CUEDC1: variants seen among roughly 807,000 people sequenced by gnomAD.
The protein encoded by CUEDC1 is CUE domain containing 1.
CUEDC1 carries 30 observed loss-of-function variants against 43.7 expected under a neutral mutation model. That is an observed-to-expected ratio of 0.69 (90% CI 0.51 to 0.93). The LOEUF (loss-of-function observed/expected upper bound fraction) is 0.93. Among genes scored for constraint, CUEDC1 ranks in the 40% least tolerant of loss-of-function variants. CUEDC1 has a pLI of 0.00. For synonymous variants in CUEDC1, 223 were observed against 223.6 expected, an observed-to-expected ratio of 1.00 and a Z score of 0.02; for missense variants, 486 against 549.0, an observed-to-expected ratio of 0.89 and a Z score of 1.15.
intron 1 of CUEDC1, among the ~76,000 whole-genome samples, chr17:57,889,780 G>A (rs1227276881): frequency 6.6e-6 from 1 of 152,202 alleles, no homozygotes; most frequent in African/African-American, 2.4e-5. Context: ...TAAGGTCTCA[G>A]AGACTCCCAG....
At chr17:57,951,460 G>C (rs1037610451) in intron 1 of CUEDC1, among the ~76,000 whole-genome samples, 4 of 151,722 alleles carry the variant, frequency 2.6e-5, no homozygotes, top group African/African-American at 9.7e-5. Flanking sequence ...CAGTGGAGTT[G>C]GAACTTTTTT....
intron 1 of CUEDC1, among the ~76,000 whole-genome samples, chr17:57,927,648 G>T (rs1430991381): frequency 6.6e-6 from 1 of 152,208 alleles, no homozygotes. Flanking sequence ...TTTCCAAGAG[G>T]TATGTCAGGG....
chr17:57,878,227 G>A (rs572343008), intron 3 of CUEDC1, among the ~76,000 whole-genome samples: 434 of 152,284 alleles, frequency 2.8e-3, no homozygotes, highest in Middle Eastern at 6.8e-3. Flanking sequence ...ACCTGGATTC[G>A]AACTCCAGCT....
intron 1 of CUEDC1, among the ~76,000 whole-genome samples, chr17:57,918,310 C>T (rs1374130505): frequency 1.3e-5 from 2 of 152,174 alleles, no homozygotes; most frequent in East Asian, 1.9e-4. Flanking sequence ...ACTGATCAGC[C>T]GGGAACCCTC....
intron 1 of CUEDC1, among the ~76,000 whole-genome samples, chr17:57,943,999 C>T (rs1433667248): frequency 6.6e-6 from 1 of 152,012 alleles, no homozygotes; most frequent in East Asian, 1.9e-4. Flanking sequence ...TCAGATCCTG[C>T]CTCCTCAGCT....
intron 1 of CUEDC1, among the ~76,000 whole-genome samples, chr17:57,953,689 C>A (rs1318577521): frequency 6.6e-6 from 1 of 152,220 alleles, no homozygotes. Flanking sequence ...ATGACTCCAA[C>A]CTCTGGCCCT....
At chr17:57,874,318 C>A (rs148785859) in intron 3 of CUEDC1, among the ~76,000 whole-genome samples, 1 of 152,354 alleles carries the variant, frequency 6.6e-6, no homozygotes, top group Non-Finnish European at 1.5e-5. Context: ...TATCTAGAAA[C>A]TGCTGCCTCC....
At position 57,869,240 on chromosome 17, in the gene CUEDC1, G is replaced by A. The variant is rs779199890; in HGVS notation, c.869-47C>T. ...AGGCCGGCCACCGTGGCCAGCCATG[G>A]CCGCTGTCCCAGCCCTACCCACCCA... On this transcript the variant is annotated intron_variant, in intron 6 of 10. Coordinates refer to ENST00000577830, the MANE Select transcript of CUEDC1 (RefSeq NM_001271875.2). 28 of 1,562,340 alleles carry A rather than the reference G, an allele frequency of 1.8e-5. No individual in the cohort carries two copies. The South Asian group carries it at 3.0e-4, about 17-fold the overall frequency.
At chr17:57,934,256 G>A (rs1056979792) in intron 1 of CUEDC1, among the ~76,000 whole-genome samples, 2 of 152,152 alleles carry the variant, frequency 1.3e-5, no homozygotes, top group Non-Finnish European at 2.9e-5. Context: ...GCCAGGCGTG[G>A]TGACACGTGC....
At chr17:57,910,546 G>A (rs550040488) in intron 1 of CUEDC1, among the ~76,000 whole-genome samples, 167 of 151,894 alleles carry the variant, frequency 1.1e-3, no homozygotes, top group African/African-American at 4.0e-3. Flanking sequence ...AGGATCGCTT[G>A]AGCCCAGGTG....
intron 1 of CUEDC1, among the ~76,000 whole-genome samples, chr17:57,917,802 C>A (rs2074658030): frequency 6.6e-6 from 1 of 152,224 alleles, no homozygotes; most frequent in African/African-American, 2.4e-5. Context: ...TGAGAGAATG[C>A]AGGTGACGTG....
intron 5 of CUEDC1, among the ~76,000 whole-genome samples, chr17:57,872,424 G>C (rs767961325): frequency 6.6e-6 from 1 of 152,126 alleles, no homozygotes; most frequent in Non-Finnish European, 1.5e-5. Context: ...GAAGGCCTAA[G>C]AGTGCACATC....
At chr17:57,900,532 C>G (rs1399444471) in intron 1 of CUEDC1, among the ~76,000 whole-genome samples, 1 of 152,220 alleles carries the variant, frequency 6.6e-6, no homozygotes, top group African/African-American at 2.4e-5. Context: ...AGCAATTATG[C>G]ATCATCAGAG....
At chr17:57,873,505 G>A (rs1294898379) in intron 4 of CUEDC1, 86 bp downstream of exon 4, 32 of 1,426,186 alleles carry the variant, frequency 2.2e-5, no homozygotes, top group Non-Finnish European at 2.6e-5. Flanking sequence ...ACATCAGGAA[G>A]TAAAACTGGC....
chr17:57,947,977 G>T (rs537755218), intron 1 of CUEDC1, among the ~76,000 whole-genome samples: 120 of 152,188 alleles, frequency 7.9e-4, no homozygotes, highest in Non-Finnish European at 1.3e-3. Context: ...CTTGCCCCCA[G>T]CATACTTGTG....
intron 10 of CUEDC1, among the ~76,000 whole-genome samples, chr17:57,863,520 A>G (rs1597962494): frequency 6.6e-6 from 1 of 152,194 alleles, no homozygotes; most frequent in South Asian, 2.1e-4. Context: ...CAGGAGATGG[A>G]GTGAAGGAAT....
intron 1 of CUEDC1, among the ~76,000 whole-genome samples, chr17:57,913,630 T>C (rs2074607517): frequency 6.6e-6 from 1 of 151,864 alleles, no homozygotes; most frequent in African/African-American, 2.4e-5. Flanking sequence ...GCCCAGGGAC[T>C]CTAGGGAGGA....
At chr17:57,914,483 G>A (rs770822229) in intron 1 of CUEDC1, among the ~76,000 whole-genome samples, 5 of 152,180 alleles carry the variant, frequency 3.3e-5, no homozygotes, top group Middle Eastern at 3.2e-3. Flanking sequence ...TGTGCACAGG[G>A]AGGAGCAATA....
intron 1 of CUEDC1, among the ~76,000 whole-genome samples, chr17:57,932,313 T>C (rs2074813674): frequency 7.9e-6 from 1 of 126,036 alleles, no homozygotes; most frequent in African/African-American, 3.8e-5. Context: ...AGGCCAGGCA[T>C]GGTGGCTCAC....
Sources: allele counts gnomAD v4.1 joint callset (sites outside exome capture counted in the v4.1 genomes callset), GRCh38; gene constraint gnomAD v4.1.1; transcripts MANE v1.5; gene names NCBI Gene and HGNC (gene_info 2026-07-23, HGNC 2026-07-21).